The following DLGAP1 variants were observed in gnomAD, a reference collection of about 807,000 sequenced individuals.
DLGAP1 encodes the protein disks large-associated protein 1.
Under a neutral mutation model 90.8 loss-of-function variants are expected in DLGAP1, and 11 were observed. The ratio of observed to expected loss-of-function variants is 0.12; its 90% CI spans 0.08 to 0.20. DLGAP1 has a LOEUF of 0.20. Ranked by LOEUF, DLGAP1 falls within the 10% of genes least tolerant of loss-of-function variation. DLGAP1 has a pLI of 1.00. For missense variants in DLGAP1, 1,050 were observed against 1,333.8 expected, an observed-to-expected ratio of 0.79 and a Z score of 3.31; for synonymous variants, 558 against 540.7, an observed-to-expected ratio of 1.03 and a Z score of -0.44.
At chr18:4,338,189 T>G (rs2081114721) in intron 1 of DLGAP1, among the ~76,000 whole-genome samples, 1 of 152,200 alleles carries the variant, frequency 6.6e-6, no homozygotes, top group Admixed American at 6.5e-5. Flanking sequence ...TTTCAAATCA[T>G]GATCACAAAT....
chr18:3,814,283 T>G lies in DLGAP1; in HGVS notation c.958-10A>C. The G allele has an allele frequency of 1.2e-6, 2 of 1,610,604 alleles. No individual in the cohort carries two copies. The highest frequency in any genetic ancestry group is 1.7e-6 in the Non-Finnish European group (2 of 1,177,130). On this transcript the variant is annotated splice_polypyrimidine_tract_variant and intron_variant, in intron 4 of 12. Transcript: ENST00000315677. ...ATTCATCTTGTGGAACCTATTCAGA[T>G]AGAAAACAGATAAATCACTTTTTAT...
At position 4,059,920 on chromosome 18, in the gene DLGAP1, C is replaced by T. The variant is rs553979851; in HGVS notation, c.-158-54719G>A. On this transcript the variant is annotated intron_variant, in intron 2 of 12. Coordinates refer to ENST00000315677, the MANE Select transcript of DLGAP1 (RefSeq NM_004746.4). ...ACTACTGGCTGCTTTAGAAGTTGTC[C>T]GGCCCCCTCCAGGATGCCCTCAGAA... Among the ~76,000 whole-genome samples the T allele has an allele frequency of 8.5e-5, 13 of 152,244 alleles. No homozygotes were observed. The South Asian group carries it at 1.2e-3, about 15-fold the overall frequency.
intron 5 of DLGAP1, among the ~76,000 whole-genome samples, chr18:3,788,002 C>G (rs2065540632): frequency 1.3e-5 from 2 of 152,224 alleles, no homozygotes; most frequent in South Asian, 2.1e-4. Flanking sequence ...CCTGGACTGA[C>G]TTCTGTCACA....
intron 4 of DLGAP1, among the ~76,000 whole-genome samples, chr18:3,865,988 A>G (rs1164788289): frequency 6.6e-6 from 1 of 152,218 alleles, no homozygotes. Flanking sequence ...TGCTGTGGAA[A>G]GAGCACTAGC....
chr18:3,634,029 G>C (rs1374025231), intron 7 of DLGAP1, among the ~76,000 whole-genome samples: 1 of 152,134 alleles, frequency 6.6e-6, no homozygotes, highest in Non-Finnish European at 1.5e-5. Flanking sequence ...AATTTTGGTT[G>C]TGTATATATA....
intron 7 of DLGAP1, chr18:3,596,902 G>C (rs2056606573): frequency 1.9e-6 from 1 of 519,958 alleles, no homozygotes; most frequent in African/African-American, 1.9e-5. Flanking sequence ...GCATGATCTA[G>C]CAGGCCAAAT....
chr18:4,090,069 C>T (rs1219648091), intron 2 of DLGAP1, among the ~76,000 whole-genome samples: 1 of 152,018 alleles, frequency 6.6e-6, no homozygotes, highest in East Asian at 1.9e-4. Flanking sequence ...AACTGGACCC[C>T]TTCCTTACAT....
intron 1 of DLGAP1, among the ~76,000 whole-genome samples, chr18:4,349,118 A>T (rs1323859720): frequency 6.6e-6 from 1 of 152,154 alleles, no homozygotes; most frequent in East Asian, 1.9e-4. Context: ...CACCTCAGTC[A>T]AGTGATCAAA....
At chr18:4,400,495 G>T (rs1285473632) in intron 1 of DLGAP1, among the ~76,000 whole-genome samples, 1 of 152,158 alleles carries the variant, frequency 6.6e-6, no homozygotes, top group African/African-American at 2.4e-5. Flanking sequence ...TGTCAGGTTG[G>T]CTCTTTCCTG....
intron 7 of DLGAP1, among the ~76,000 whole-genome samples, chr18:3,724,402 G>A (rs1256167751): frequency 1.3e-5 from 2 of 152,112 alleles, no homozygotes; most frequent in African/African-American, 4.8e-5. Flanking sequence ...TTGTATTATT[G>A]CTACACAAAG....
intron 7 of DLGAP1, among the ~76,000 whole-genome samples, chr18:3,685,390 C>T (rs1000094359): frequency 4.0e-5 from 6 of 151,644 alleles, no homozygotes; most frequent in African/African-American, 1.2e-4. Context: ...AGTGAAACCC[C>T]GTCTCTACTA....
chr18:3,717,878 A>G (rs1260939995), intron 7 of DLGAP1, among the ~76,000 whole-genome samples: 2 of 152,210 alleles, frequency 1.3e-5, no homozygotes, highest in African/African-American at 4.8e-5. Context: ...TAGGGTCACA[A>G]GGTAGTAGCT....
intron 3 of DLGAP1, chr18:3,993,176 T>C (rs1224941569): frequency 6.6e-6 from 1 of 151,834 alleles, no homozygotes; most frequent in Non-Finnish European, 1.5e-5. Context: ...ACCCCCCTCT[T>C]GCACCGGCGA....
At chr18:3,509,640 G>A (rs2050429207) in intron 10 of DLGAP1, among the ~76,000 whole-genome samples, 1 of 152,184 alleles carries the variant, frequency 6.6e-6, no homozygotes, top group Non-Finnish European at 1.5e-5. Context: ...ATCTTCACGG[G>A]ATGATATAGT....
intron 1 of DLGAP1, among the ~76,000 whole-genome samples, chr18:4,402,116 A>G (rs1008743078): frequency 2.6e-5 from 4 of 152,218 alleles, no homozygotes; most frequent in African/African-American, 9.7e-5. Flanking sequence ...TACAGCTTTC[A>G]GAGAACACTA....
intron 7 of DLGAP1, among the ~76,000 whole-genome samples, chr18:3,692,480 A>C (rs1398007184): frequency 1.3e-5 from 2 of 152,174 alleles, no homozygotes; most frequent in South Asian, 4.1e-4. Flanking sequence ...ACAATGGCCT[A>C]CCTTCACTCC....
chr18:3,632,920 T>C (rs905402423), intron 7 of DLGAP1, among the ~76,000 whole-genome samples: 22 of 152,292 alleles, frequency 1.4e-4, no homozygotes, highest in African/African-American at 5.1e-4. Context: ...GACAAGTGTT[T>C]GTTTTTGTGT....
chr18:3,556,601 A>G (rs546168883), intron 9 of DLGAP1, among the ~76,000 whole-genome samples: 148 of 152,216 alleles, frequency 9.7e-4, no homozygotes, highest in African/African-American at 3.5e-3. Context: ...TATTACTTTT[A>G]GTGCTGAATA....
At chr18:3,922,798 T>C (rs1354545837) in intron 3 of DLGAP1, among the ~76,000 whole-genome samples, 4 of 152,142 alleles carry the variant, frequency 2.6e-5, no homozygotes, top group Non-Finnish European at 5.9e-5. Context: ...AGGATTTAGG[T>C]AGCTTCAGAT....
Sources: allele counts gnomAD v4.1 joint callset (sites outside exome capture counted in the v4.1 genomes callset), GRCh38; gene constraint gnomAD v4.1.1; transcripts MANE v1.5; gene names NCBI Gene and HGNC (gene_info 2026-07-23, HGNC 2026-07-21).